Variants in KRT19 observed in about 807,000 individuals in gnomAD.
The protein encoded by KRT19 is keratin, type I cytoskeletal 19.
Under a neutral mutation model 34.6 loss-of-function variants are expected in KRT19, and 21 were observed. That is an observed-to-expected ratio of 0.61 (90% CI 0.43 to 0.87). The LOEUF is 0.87. Among genes scored for constraint, KRT19 ranks in the 40% least tolerant of loss-of-function variants. KRT19 has a pLI of 0.00. For missense variants in KRT19, 514 were observed against 545.7 expected (o/e 0.94, Z 0.58); for synonymous variants, 240 against 245.8 (o/e 0.98, Z 0.22).
In KRT19 at chr17:41,525,236, A is replaced by G; in HGVS notation, c.458T>C (p.Leu153Pro). 1 of 1,614,038 alleles carries G rather than the reference A, an allele frequency of 6.2e-7. No homozygotes were observed. Among genetic ancestry groups the G allele is most frequent in the Non-Finnish European group, 8.5e-7 (1 of 1,179,918 alleles). Residue 153 changes from leucine to proline, a missense_variant, in exon 2 of 6, where the codon CTG (leucine) becomes CCG (proline). Leu to Pro is a moderately conservative substitution (Grantham distance 98). Transcript: ENST00000361566. Reference protein sequence around the residue: ...GATIENSRIVLQIDNARLAAD... With the variant: ...GATIENSRIVPQIDNARLAAD... The stretch of plus-strand genomic sequence containing the variant: ...AGCCAGACGGGCATTGTCGATCTGC[A>G]GGACAATCCTGGAGTTCTCAATGGT...
At chr17:41,525,151 C>T (rs571007177) in intron 2 of KRT19, 40 bp downstream of exon 2, 5 of 1,581,352 alleles carry the variant, frequency 3.2e-6, no homozygotes, top group South Asian at 2.2e-5. Context: ...ACCCCTACCC[C>T]AGTCCTGGCT....
chr17:41,524,924 C>A lies in KRT19; in HGVS notation c.579G>T (p.Leu193=), dbSNP rs1905806549. The A allele has an allele frequency of 1.9e-6, 3 of 1,614,116 alleles. No homozygotes were observed. The highest frequency in any genetic ancestry group is 2.5e-6 in the Non-Finnish European group (3 of 1,180,030). ...INGLRRVLDE[L]TLARTDLEMQ... ...TCTCCAGGTCGGTCCTGGCCAGGGT[C>A]AGCTCATCCAGCACCCTGCGCAGGC... The change falls in exon 3 of 6, where the codon CTG becomes CTT. Residue 193 remains leucine, a synonymous_variant. Transcript: ENST00000361566.
intron 2 of KRT19, 32 bp downstream of exon 2, chr17:41,525,159 G>C (rs1186865556): frequency 6.3e-7 from 1 of 1,593,742 alleles, no homozygotes; most frequent in Non-Finnish European, 8.6e-7. Flanking sequence ...CCCAGTCCTG[G>C]CTTCTGCAGC....
At chr17:41,526,813 T>C (rs943592656) in intron 1 of KRT19, among the ~76,000 whole-genome samples, 6 of 152,058 alleles carry the variant, frequency 3.9e-5, no homozygotes, top group African/African-American at 1.4e-4. Flanking sequence ...GCTCAAGCAA[T>C]CCTCCCACCT....
intron 1 of KRT19, among the ~76,000 whole-genome samples, 183 bp downstream of exon 1, chr17:41,527,645 T>C (rs1905912847): frequency 6.6e-6 from 1 of 152,064 alleles, no homozygotes; most frequent in African/African-American, 2.4e-5. Context: ...CCCCGGCCTC[T>C]GCATCCAGCC....
intron 2 of KRT19, 57 bp downstream of exon 2, chr17:41,525,134 C>G (rs1229596718): frequency 3.9e-6 from 6 of 1,557,870 alleles, no homozygotes; most frequent in Non-Finnish European, 4.4e-6. Flanking sequence ...AGATTCTAAA[C>G]CCCCCAACCC....
rs778196690 is a variant in KRT19, at chr17:41,524,939, C to A, written c.564G>T (p.Arg188Ser). The A allele has an allele frequency of 6.2e-7, 1 of 1,614,228 alleles. No homozygotes were observed. The highest frequency in any genetic ancestry group is 2.2e-5 in the East Asian group (1 of 44,886). ...SVEADINGLR[R>S]VLDELTLART... The stretch of plus-strand genomic sequence containing the variant: ...TGGCCAGGGTCAGCTCATCCAGCAC[C>A]CTGCGCAGGCCGTTGATGTCGGCCT... The change falls in exon 3 of 6, where the codon AGG (arginine) becomes AGT (serine). Residue 188 changes from arginine (R) to serine (S), a missense_variant. Transcript: ENST00000361566.
At chr17:41,525,957 G>A (rs1860733808) in intron 1 of KRT19, among the ~76,000 whole-genome samples, 1 of 151,994 alleles carries the variant, frequency 6.6e-6, no homozygotes, top group African/African-American at 2.4e-5. Context: ...TGTTTTGGGG[G>A]GGTTTTTTGG....
At chr17:41,525,464 G>A in intron 1 of KRT19, 191 bp from the exon 2 acceptor site, 1 of 582,566 alleles carries the variant, frequency 1.7e-6, no homozygotes, top group South Asian at 2.1e-5. Flanking sequence ...CAGAAGCTGG[G>A]GCAGGAAGAA....
chr17:41,528,213 G>T lies in KRT19; in HGVS notation c.35C>A (p.Thr12Lys). 6.3e-7 allele frequency: 1 copy of T among 1,581,236 alleles called. No individual in the cohort carries two copies. The highest frequency in any genetic ancestry group is 2.2e-4 in the Middle Eastern group (1 of 4,600). The change falls in exon 1 of 6, where the codon ACG (threonine) becomes AAG (lysine). Residue 12 changes from threonine (T) to lysine (K), a missense_variant. By Grantham distance (78) the Thr-to-Lys change is moderately conservative. Transcript: ENST00000361566. ...GCCGCCCAGGCCTCCGAAGGACGACGTGGCCGACGACTGGCGATAGCTGTA... is the reference window on the plus strand; with the variant it reads ...GCCGCCCAGGCCTCCGAAGGACGACTTGGCCGACGACTGGCGATAGCTGTA... ...TSYSYRQSSA[T>K]SSFGGLGGGS...
rs1181962563 is a variant in KRT19 at position 41,527,877 on chromosome 17, G to C, written c.371C>G (p.Ser124Cys). ...CGTGTAGTAGTGGCTGTAGTCGCGG[G>C]AGGGCCCAGGCCCCTGCTTCTGGTA... ...DWYQKQGPGP[S>C]RDYSHYYTTI... Residue 124 changes from serine (S) to cysteine (C), a missense_variant, in exon 1 of 6, where the codon TCC becomes TGC. Ser to Cys is a moderately radical substitution (Grantham distance 112, BLOSUM62 -1). Coordinates refer to ENST00000361566, the MANE Select transcript of KRT19 (RefSeq NM_002276.5). 6.2e-7 allele frequency: 1 copy of C among 1,613,084 alleles called. No individual in the cohort carries two copies. The highest frequency in any genetic ancestry group is 2.2e-5 in the East Asian group (1 of 44,842).
In KRT19 at chr17:41,525,142, C is replaced by A. The variant is rs770027899; in HGVS notation, c.503+49G>T. On this transcript the variant is annotated intron_variant, in intron 2 of 5. Transcript: ENST00000361566. ...TGAGGGCAGATTCTAAACCCCCCAA[C>A]CCCTACCCCAGTCCTGGCTTCTGCA... The A allele has an allele frequency of 3.8e-6, 6 of 1,572,368 alleles. No individual in the cohort carries two copies. The South Asian group carries it at 6.7e-5, about 17-fold the overall frequency.
At chr17:41,524,318 T>A in intron 4 of KRT19, 50 bp from the exon 5 acceptor site, 1 of 1,611,604 alleles carries the variant, frequency 6.2e-7, no homozygotes, top group Non-Finnish European at 8.5e-7. Flanking sequence ...GACCTTCGCG[T>A]AGGGAACACA....
At position 41,526,316 on chromosome 17, in the gene KRT19, T is replaced by C. The variant is rs574714592; in HGVS notation, c.421-1043A>G. Among the ~76,000 whole-genome samples, 6 of 152,182 alleles carry C rather than the reference T, an allele frequency of 3.9e-5. No homozygotes were observed. The East Asian group carries it at 1.2e-3, about 30-fold the overall frequency. ...ATGCAACAGAATAGGCTACAAAATATCAGAGGGGATTTCTCTTAGTATGGT... is the reference window on the plus strand; with the variant it reads ...ATGCAACAGAATAGGCTACAAAATACCAGAGGGGATTTCTCTTAGTATGGT... On this transcript the variant is annotated intron_variant, in intron 1 of 5. Coordinates refer to ENST00000361566, the MANE Select transcript of KRT19 (RefSeq NM_002276.5).
At chr17:41,527,279 C>T (rs555606432) in intron 1 of KRT19, among the ~76,000 whole-genome samples, 3 of 152,358 alleles carry the variant, frequency 2.0e-5, no homozygotes, top group East Asian at 1.9e-4. Context: ...TCTTCCTAAA[C>T]GAATGGGCCC....
Position 41,524,953 on chromosome 17 carries a change from T to C in KRT19, c.550A>G (p.Asn184Asp), listed in dbSNP as rs768733686. The change falls in exon 3 of 6, where the codon AAC becomes GAC. Residue 184 changes from asparagine to aspartate, a missense_variant. Coordinates refer to ENST00000361566, the MANE Select transcript of KRT19 (RefSeq NM_002276.5). ...ALRMSVEADI[N>D]GLRRVLDELT... ...TCATCCAGCACCCTGCGCAGGCCGT[T>C]GATGTCGGCCTCCACGCTCATGCGC... The C allele has an allele frequency of 3.1e-6, 5 of 1,614,188 alleles. No individual in the cohort carries two copies. The highest frequency in any genetic ancestry group is 1.3e-5 in the African/African-American group (1 of 75,066).
At chr17:41,524,731 G>A in intron 3 of KRT19, 112 bp downstream of exon 3, 2 of 1,319,536 alleles carry the variant, frequency 1.5e-6, no homozygotes, top group Non-Finnish European at 2.2e-6. Context: ...CACACCCAGG[G>A]CCATGGTGAG....
At chr17:41,525,875 T>C (rs1341711873) in intron 1 of KRT19, among the ~76,000 whole-genome samples, 1 of 152,146 alleles carries the variant, frequency 6.6e-6, no homozygotes, top group African/African-American at 2.4e-5. Context: ...AATAAGGTAA[T>C]TGTGTTCTGT....
At chr17:41,525,108 T>C in intron 2 of KRT19, 83 bp downstream of exon 2, 1 of 1,563,848 alleles carries the variant, frequency 6.4e-7, no homozygotes, top group Non-Finnish European at 8.8e-7. Context: ...TCAGGCCATC[T>C]AGGCTAGGTG....
Sources: gnomAD v4.1 joint callset for allele counts (sites outside exome capture counted in the v4.1 genomes callset) on GRCh38, gnomAD v4.1.1 for gene constraint, MANE v1.5 for transcripts, NCBI Gene and HGNC (gene_info 2026-07-23, HGNC 2026-07-21) for gene names.